Variants in MSRA observed in about 807,000 individuals in gnomAD.
The protein encoded by MSRA is mitochondrial peptide methionine sulfoxide reductase.
MSRA carries 54 observed loss-of-function variants against 31.3 expected under a neutral mutation model. The ratio of observed to expected loss-of-function variants is 1.73; its 90% CI spans 1.39 to 2.17. MSRA has a LOEUF of 2.17. MSRA is among the 30% of genes most tolerant of loss of function. The probability of loss-of-function intolerance (pLI) is 0.00; values close to 1 mark genes in which losing one functional copy is unlikely to be tolerated. For missense variants in MSRA, 507 were observed against 300.9 expected (o/e 1.69, Z -5.07); for synonymous variants, 169 against 116.5 (o/e 1.45, Z -2.90).
At chr8:10,152,500 G>A (rs1803782842) in intron 1 of MSRA, among the ~76,000 whole-genome samples, 1 of 152,124 alleles carries the variant, frequency 6.6e-6, no homozygotes, top group African/African-American at 2.4e-5. Context: ...CCCAGGAAAG[G>A]CTGATTTCAG....
intron 3 of MSRA, among the ~76,000 whole-genome samples, chr8:10,280,631 A>T (rs959109455): frequency 6.6e-6 from 1 of 152,196 alleles, no homozygotes; most frequent in Non-Finnish European, 1.5e-5. Flanking sequence ...AAGGTTAAAC[A>T]TAGGGTTAGT....
intron 2 of MSRA, 110 bp from the exon 3 acceptor site, chr8:10,244,994 G>C (rs1046838995): frequency 4.3e-6 from 4 of 934,098 alleles, no homozygotes; most frequent in Non-Finnish European, 6.0e-6. Context: ...GTTATCAAAT[G>C]ACAGGAGCAA....
intron 2 of MSRA, among the ~76,000 whole-genome samples, chr8:10,235,632 A>G (rs1462487665): frequency 6.6e-6 from 1 of 152,162 alleles, no homozygotes; most frequent in Non-Finnish European, 1.5e-5. Context: ...AAAAAGAGAG[A>G]TATAAAAATA....
intron 3 of MSRA, among the ~76,000 whole-genome samples, chr8:10,274,327 C>A (rs1799206332): frequency 6.6e-6 from 1 of 152,094 alleles, no homozygotes; most frequent in Non-Finnish European, 1.5e-5. Context: ...GGGAAGACAT[C>A]ATTAGTATGT....
intron 3 of MSRA, among the ~76,000 whole-genome samples, chr8:10,266,404 T>C (rs936990669): frequency 4.6e-5 from 7 of 152,234 alleles, no homozygotes; most frequent in African/African-American, 1.7e-4. Flanking sequence ...AAATTGTCTG[T>C]TCAAATCTCT....
chr8:10,259,374 T>C (rs1049993012), intron 3 of MSRA, among the ~76,000 whole-genome samples: 4 of 152,146 alleles, frequency 2.6e-5, no homozygotes, highest in Non-Finnish European at 5.9e-5. Flanking sequence ...CAGAATGCAG[T>C]TACAAGAAGA....
intron 1 of MSRA, among the ~76,000 whole-genome samples, chr8:10,177,493 T>G (rs114512363): frequency 2.0e-4 from 30 of 152,172 alleles, no homozygotes; most frequent in African/African-American, 7.0e-4. Flanking sequence ...TTCATGAGTG[T>G]GTTGTTATCC....
chr8:10,258,610 C>T (rs1408613810), intron 3 of MSRA, among the ~76,000 whole-genome samples: 1 of 152,206 alleles, frequency 6.6e-6, no homozygotes, highest in Non-Finnish European at 1.5e-5. Flanking sequence ...CTTGTAAGCC[C>T]TGCACGGTGC....
intron 2 of MSRA, among the ~76,000 whole-genome samples, chr8:10,242,828 C>T (rs1425647056): frequency 6.6e-6 from 1 of 152,092 alleles, no homozygotes; most frequent in African/African-American, 2.4e-5. Flanking sequence ...GTTTTATCCT[C>T]CTAACAACCT....
intron 1 of MSRA, among the ~76,000 whole-genome samples, chr8:10,141,434 A>C (rs1414828173): frequency 6.6e-6 from 1 of 152,210 alleles, no homozygotes; most frequent in Non-Finnish European, 1.5e-5. Flanking sequence ...TCCAATGCAC[A>C]AGACATACAT....
chr8:10,418,038 C>G (rs572386780), intron 5 of MSRA, among the ~76,000 whole-genome samples: 77 of 152,128 alleles, frequency 5.1e-4, no homozygotes, highest in Non-Finnish European at 9.0e-4. Flanking sequence ...CTTAGAAGCC[C>G]GACCCTAATT....
chr8:10,181,536 T>G (rs1444319898), intron 1 of MSRA, among the ~76,000 whole-genome samples: 1 of 151,176 alleles, frequency 6.6e-6, no homozygotes, highest in Non-Finnish European at 1.5e-5. Context: ...AAGACTGAAA[T>G]GTATCCTAAA....
chr8:10,245,053 A>G, intron 2 of MSRA, 51 bp from the exon 3 acceptor site: 1 of 1,588,938 alleles, frequency 6.3e-7, no homozygotes, highest in Non-Finnish European at 8.6e-7. Flanking sequence ...TGCAATGACC[A>G]CTTTGTTTTG....
intron 1 of MSRA, among the ~76,000 whole-genome samples, chr8:10,192,608 C>T (rs562773962): frequency 1.3e-5 from 2 of 152,334 alleles, no homozygotes; most frequent in South Asian, 4.1e-4. Flanking sequence ...GTGGAGATTT[C>T]TGTCTATAGT....
intron 5 of MSRA, among the ~76,000 whole-genome samples, chr8:10,413,237 C>T (rs554551999): frequency 2.0e-5 from 3 of 152,318 alleles, no homozygotes; most frequent in Non-Finnish European, 4.4e-5. Context: ...CTCTAGCGCA[C>T]ACACAGCCCT....
intron 3 of MSRA, among the ~76,000 whole-genome samples, chr8:10,278,764 G>C (rs137971992): frequency 1.3e-5 from 2 of 152,334 alleles, no homozygotes; most frequent in African/African-American, 4.8e-5. Flanking sequence ...GTATTTGTGA[G>C]TACAGCCCTT....
intron 2 of MSRA, among the ~76,000 whole-genome samples, chr8:10,221,151 A>G (rs936119631): frequency 3.9e-5 from 6 of 152,172 alleles, no homozygotes; most frequent in African/African-American, 1.4e-4. Context: ...CGCCTTCCCG[A>G]GCAAATAGCC....
intron 1 of MSRA, among the ~76,000 whole-genome samples, chr8:10,138,769 C>G (rs1468109605): frequency 1.3e-5 from 2 of 152,196 alleles, no homozygotes; most frequent in African/African-American, 4.8e-5. Context: ...CAAAACCACT[C>G]CCCTTATCTT....
At chr8:10,100,362 A>T (rs1277364195) in intron 1 of MSRA, among the ~76,000 whole-genome samples, 2 of 152,156 alleles carry the variant, frequency 1.3e-5, no homozygotes, top group Non-Finnish European at 2.9e-5. Context: ...TTGCTGCCCA[A>T]GCCCTGTGCC....
Sources: gnomAD v4.1 joint callset for allele counts (sites outside exome capture counted in the v4.1 genomes callset) on GRCh38, gnomAD v4.1.1 for gene constraint, MANE v1.5 for transcripts, NCBI Gene and HGNC (gene_info 2026-07-23, HGNC 2026-07-21) for gene names.